Variants in CNTN4 observed in about 807,000 individuals in gnomAD.
The protein encoded by CNTN4 is contactin-4.
In CNTN4, 77 loss-of-function variants were observed where a neutral mutation model predicts 122.5. The observed-to-expected ratio is 0.63, with a 90% confidence interval of 0.52 to 0.76. The LOEUF is 0.76. CNTN4 is among the 30% of genes least tolerant of loss of function. The pLI, the probability that CNTN4 is intolerant of heterozygous loss-of-function variation, is 0.00. For missense variants in CNTN4, 1,256 were observed against 1,259.1 expected, an observed-to-expected ratio of 1.00 and a Z score of 0.04; for synonymous variants, 512 against 447.0, an observed-to-expected ratio of 1.15 and a Z score of -1.83.
rs183851218 is a variant in CNTN4, at chr3:2,484,394, A to C, written c.-88-87022A>C. Among the ~76,000 whole-genome samples, 186 of 152,310 alleles carry C rather than the reference A, an allele frequency of 1.2e-3. 1 individual carries two copies. The highest frequency in any genetic ancestry group is 4.3e-3 in the African/African-American group (180 of 41,552). On this transcript the variant is annotated intron_variant, in intron 3 of 24. Coordinates refer to ENST00000418658, the MANE Select transcript of CNTN4 (RefSeq NM_175607.3). ...ATGGTTTGTTAATTGCATCGGCATG[A>C]AGAGGAACTGCAAATGGCCTATGAA...
At chr3:2,663,567 G>A (rs2084008205) in intron 4 of CNTN4, among the ~76,000 whole-genome samples, 1 of 152,188 alleles carries the variant, frequency 6.6e-6, no homozygotes, top group Non-Finnish European at 1.5e-5. Context: ...TTTCCTTGAA[G>A]CATGTGGAAT....
chr3:2,129,177 A>G (rs977487599), intron 2 of CNTN4, among the ~76,000 whole-genome samples: 1 of 144,754 alleles, frequency 6.9e-6, no homozygotes, highest in African/African-American at 2.6e-5. Context: ...AACATTTTTC[A>G]TTTGTTATTA....
intron 2 of CNTN4, among the ~76,000 whole-genome samples, chr3:2,274,504 A>G (rs1024757160): frequency 4.6e-5 from 6 of 130,790 alleles, no homozygotes; most frequent in Non-Finnish European, 8.4e-5. Context: ...CTAAAGAAAC[A>G]CTGTTCCTTA....
At position 2,951,046 on chromosome 3, in the gene CNTN4, T is replaced by C. The variant is rs187286768; in HGVS notation, c.1358+25267T>C. 4.6e-5 allele frequency among the ~76,000 whole-genome samples: 7 copies of C among 152,318 alleles called. No homozygotes were observed. The East Asian group carries it at 1.4e-3, about 29-fold the overall frequency. ...GAAACCTAATTCCCCATCTGTTCAA[T>C]GGTGATAATAATGGTAACCATCTTA... On this transcript the variant is annotated intron_variant, in intron 13 of 24. Coordinates refer to ENST00000418658, the MANE Select transcript of CNTN4 (RefSeq NM_175607.3).
At chr3:2,276,852 G>T (rs1199613178) in intron 2 of CNTN4, among the ~76,000 whole-genome samples, 1 of 152,014 alleles carries the variant, frequency 6.6e-6, no homozygotes, top group Non-Finnish European at 1.5e-5. Flanking sequence ...GGAGGCAAAG[G>T]TTGCAGTGAG....
chr3:2,360,315 G>C (rs1056907525), intron 3 of CNTN4, among the ~76,000 whole-genome samples: 20 of 151,920 alleles, frequency 1.3e-4, no homozygotes, highest in African/African-American at 4.8e-4. Context: ...ATATTTTACT[G>C]TTCAGTTTAA....
chr3:2,423,666 A>G (rs1423311024), intron 3 of CNTN4, among the ~76,000 whole-genome samples: 1 of 152,028 alleles, frequency 6.6e-6, no homozygotes, highest in African/African-American at 2.4e-5. Flanking sequence ...AGTTTTGATG[A>G]CTTGGATAAT....
chr3:3,014,039 T>G (rs1297313180), intron 14 of CNTN4, among the ~76,000 whole-genome samples: 1 of 130,712 alleles, frequency 7.7e-6, no homozygotes, highest in Non-Finnish European at 1.6e-5. Flanking sequence ...GGAACAGACA[T>G]TTAAATGTAC....
At chr3:2,525,296 A>C (rs185898332) in intron 3 of CNTN4, among the ~76,000 whole-genome samples, 2 of 152,280 alleles carry the variant, frequency 1.3e-5, no homozygotes, top group Admixed American at 6.5e-5. Context: ...GGATATAAAC[A>C]TGTTAGTGCT....
At chr3:2,398,103 C>T (rs1232095490) in intron 3 of CNTN4, among the ~76,000 whole-genome samples, 3 of 151,932 alleles carry the variant, frequency 2.0e-5, no homozygotes, top group African/African-American at 4.8e-5. Flanking sequence ...TATTAAAAGT[C>T]GAGACAGTTT....
chr3:2,730,787 C>G (rs2088619836), intron 4 of CNTN4, among the ~76,000 whole-genome samples: 1 of 152,114 alleles, frequency 6.6e-6, no homozygotes, highest in Admixed American at 6.5e-5. Context: ...TTATTTTTCT[C>G]TGCTCAGCCT....
At chr3:2,773,579 C>T (rs3935673) in intron 6 of CNTN4, among the ~76,000 whole-genome samples, 110,335 of 151,664 alleles carry the variant, frequency 0.73, 42,118 homozygotes, top group Non-Finnish European at 0.84. Context: ...ACTAGGTGTT[C>T]GGTTGGGTTC....
chr3:2,134,810 C>T (rs977589947), intron 2 of CNTN4, among the ~76,000 whole-genome samples: 3 of 152,158 alleles, frequency 2.0e-5, no homozygotes, highest in Non-Finnish European at 4.4e-5. Flanking sequence ...TGGGAGTTTT[C>T]TCTTACTCAG....
At chr3:2,253,642 C>A (rs1318874847) in intron 2 of CNTN4, among the ~76,000 whole-genome samples, 1 of 150,918 alleles carries the variant, frequency 6.6e-6, no homozygotes, top group Non-Finnish European at 1.5e-5. Context: ...ATTACTTTTT[C>A]ATTTTTTTTT....
chr3:3,023,042 CAGTT>C (rs1698433620), intron 14 of CNTN4, among the ~76,000 whole-genome samples: 1 of 152,064 alleles, frequency 6.6e-6, no homozygotes, highest in Non-Finnish European at 1.5e-5. Flanking sequence ...GGAGAGGAGA[CAGTT>C]TGTTTTGCAG....
chr3:2,103,228 C>T (rs2032139159), intron 2 of CNTN4, among the ~76,000 whole-genome samples: 1 of 150,994 alleles, frequency 6.6e-6, no homozygotes, highest in South Asian at 2.1e-4. Context: ...ATTTAAGCCA[C>T]TGGACCGCTT....
intron 2 of CNTN4, among the ~76,000 whole-genome samples, chr3:2,225,315 C>T (rs2039237590): frequency 6.6e-6 from 1 of 151,646 alleles, no homozygotes; most frequent in East Asian, 2.0e-4. Flanking sequence ...GAGTTCAAGA[C>T]AAGCCTGGCC....
chr3:2,659,443 C>T (rs899460083), intron 4 of CNTN4, among the ~76,000 whole-genome samples: 2 of 117,766 alleles, frequency 1.7e-5, no homozygotes, highest in Non-Finnish European at 3.2e-5. Context: ...CCCTGGGTGA[C>T]AGAGGAGACT....
At chr3:2,798,195 C>G (rs1187482641) in intron 6 of CNTN4, among the ~76,000 whole-genome samples, 2 of 151,416 alleles carry the variant, frequency 1.3e-5, no homozygotes, top group African/African-American at 2.4e-5. Flanking sequence ...GGTTATTTCT[C>G]TTAAGATAAT....
Sources: gnomAD v4.1 joint callset for allele counts (sites outside exome capture counted in the v4.1 genomes callset) on GRCh38, gnomAD v4.1.1 for gene constraint, MANE v1.5 for transcripts, NCBI Gene and HGNC (gene_info 2026-07-23, HGNC 2026-07-21) for gene names.